Variants in WNK1 observed in about 807,000 individuals in gnomAD.
WNK1 encodes the protein WNK lysine deficient protein kinase 1.
WNK1 carries 38 observed loss-of-function variants against 222.8 expected under a neutral mutation model. The ratio of observed to expected loss-of-function variants is 0.17; its 90% CI spans 0.13 to 0.22. WNK1 has a LOEUF of 0.22. WNK1 is among the 10% of genes least tolerant of loss of function. The pLI is 1.00. For missense variants in WNK1, 2,348 were observed against 2,918.4 expected (o/e 0.80, Z 4.50); for synonymous variants, 1,090 against 1,092.9 (o/e 1.00, Z 0.05).
intron 26 of WNK1, chr12:906,537 A>G (rs1270629162): frequency 1.0e-6 from 1 of 985,258 alleles, no homozygotes; most frequent in African/African-American, 1.7e-5. Flanking sequence ...AACTGAGGTC[A>G]TCTTCAGGAA....
chr12:808,253 A>C (rs982758851), intron 1 of WNK1, among the ~76,000 whole-genome samples: 2 of 152,054 alleles, frequency 1.3e-5, no homozygotes, highest in African/African-American at 4.8e-5. Context: ...TATGCAATAG[A>C]TACTGTAAGT....
At chr12:810,273 C>G (rs1440627395) in intron 1 of WNK1, among the ~76,000 whole-genome samples, 1 of 151,974 alleles carries the variant, frequency 6.6e-6, no homozygotes, top group African/African-American at 2.4e-5. Flanking sequence ...AAATAGATGC[C>G]CATGTCTTGC....
At chr12:840,491 G>A (rs1187999202) in intron 4 of WNK1, among the ~76,000 whole-genome samples, 1 of 151,938 alleles carries the variant, frequency 6.6e-6, no homozygotes, top group Non-Finnish European at 1.5e-5. Context: ...TGTATGATAC[G>A]AAAACTACAT....
In WNK1 at chr12:909,255, C is replaced by CT. The variant is rs1241101800; in HGVS notation, c.*471dup. On this transcript the variant is annotated 3_prime_UTR_variant, in exon 28 of 28. Coordinates refer to ENST00000315939, the MANE Select transcript of WNK1 (RefSeq NM_018979.4). ...GCTCTCTCCTACCCTGCCCTCCTCC[C>CT]TTTTTTTTACCCCTCTCTTTTTTAT... is the stretch of plus-strand genomic sequence containing the variant. 22 of 168,364 alleles carry CT rather than the reference C, an allele frequency of 1.3e-4. No individual in the cohort carries two copies. Among genetic ancestry groups the CT allele is most frequent in the African/African-American group, 3.1e-4 (13 of 41,556 alleles). The allele number at this position is 168,364 out of a possible 1,614,324, so 10.4% of individuals were successfully genotyped here. A position where few individuals can be genotyped will look rare whatever the true frequency, so the allele number is the denominator to read the frequency against.
At chr12:882,164 T>A in intron 14 of WNK1, 91 bp downstream of exon 14, 1 of 1,377,300 alleles carries the variant, frequency 7.3e-7, no homozygotes, top group Non-Finnish European at 1.0e-6. Flanking sequence ...ACCACTCACT[T>A]CATAAAATAA....
At chr12:837,972 G>A (rs79755548) in intron 4 of WNK1, among the ~76,000 whole-genome samples, 2,317 of 152,100 alleles carry the variant, frequency 0.015, 59 homozygotes, top group African/African-American at 0.053. Context: ...TTTAATATGT[G>A]GTCTTTTATT....
chr12:833,210 C>G (rs1174436884), intron 4 of WNK1, among the ~76,000 whole-genome samples: 1 of 152,212 alleles, frequency 6.6e-6, no homozygotes, highest in East Asian at 1.9e-4. Flanking sequence ...CCCATTGCCA[C>G]AACTCTGATT....
At chr12:883,591 GA>G in intron 16 of WNK1, 23 bp downstream of exon 16, 1 of 1,614,046 alleles carries the variant, frequency 6.2e-7, no homozygotes, top group Non-Finnish European at 8.5e-7. Flanking sequence ...CTCCCATAGT[GA>G]AACTTTGTTG....
intron 1 of WNK1, among the ~76,000 whole-genome samples, chr12:786,856 G>GT (rs1265317128): frequency 2.6e-5 from 4 of 151,982 alleles, no homozygotes; most frequent in African/African-American, 9.7e-5. Context: ...TGTTCCACAG[G>GT]TTTTTTGTAA....
Position 908,495 on chromosome 12 carries a change from G to A in WNK1, c.6852G>A (p.Lys2284=), listed in dbSNP as rs1486513379. 6.2e-7 allele frequency: 1 copy of A among 1,614,176 alleles called. No homozygotes were observed. The highest frequency in any genetic ancestry group is 1.1e-5 in the South Asian group (1 of 91,092). The change falls in exon 28 of 28, where the codon AAG becomes AAA. Residue 2284 remains lysine (K), a synonymous_variant. Coordinates refer to ENST00000315939, the MANE Select transcript of WNK1 (RefSeq NM_018979.4). ...MNYEGPGMAR[K]FSAPGQLCIS... ...TTCAGGGCCCTGGAATGGCAAGGAAGTTCTCTGCACCTGGGCAACTGTGCA... is the reference window on the plus strand; with the variant it reads ...TTCAGGGCCCTGGAATGGCAAGGAAATTCTCTGCACCTGGGCAACTGTGCA...
intron 4 of WNK1, among the ~76,000 whole-genome samples, chr12:834,673 G>A (rs974720877): frequency 2.0e-5 from 3 of 152,136 alleles, no homozygotes; most frequent in Non-Finnish European, 4.4e-5. Flanking sequence ...TTTGTTCTCT[G>A]TAAAAGAGAT....
In WNK1 at chr12:871,273, GCAGAGCCAGGGT is replaced by G. The variant is rs1339304778; in HGVS notation, c.2152_2163del (p.Ser718_Gln721del). ...TCACTTCTTTCCTTCAGGCACAGGG[GCAGAGCCAGGGT>G]CAGCCATCCTCAAGTAGCTTAACAG... On this transcript the variant is annotated inframe_deletion, in exon 9 of 28. Coordinates refer to ENST00000315939, the MANE Select transcript of WNK1 (RefSeq NM_018979.4). 1 of 1,614,148 alleles carries G rather than the reference GCAGAGCCAGGGT, an allele frequency of 6.2e-7. No individual in the cohort carries two copies. The highest frequency in any genetic ancestry group is 1.7e-5 in the Admixed American group (1 of 60,022).
chr12:869,779 AT>A (rs1314585357), intron 8 of WNK1, among the ~76,000 whole-genome samples: 1 of 151,774 alleles, frequency 6.6e-6, no homozygotes, highest in East Asian at 1.9e-4. Context: ...ACTGATTCTA[AT>A]TTTTAGCAAC....
chr12:907,650 G>A (rs1955819994), intron 26 of WNK1, 197 bp from the exon 27 acceptor site: 1 of 678,978 alleles, frequency 1.5e-6, no homozygotes, highest in Admixed American at 2.2e-5. Flanking sequence ...AGCTACTGAA[G>A]AGAAACTGTT....
rs564444800 is a variant in WNK1 at position 782,547 on chromosome 12, A to AG, written c.759+28224dup. ...AATTGAAATCCAAGGAGAAAGTGAT[A>AG]GAAATAAAATTGTAGTGAGCGATGT... On this transcript the variant is annotated intron_variant, in intron 1 of 27. Transcript: ENST00000315939. 1.2e-4 allele frequency among the ~76,000 whole-genome samples: 19 copies of AG among 152,328 alleles called. No individual in the cohort carries two copies. The East Asian group carries it at 3.7e-3, about 29-fold the overall frequency.
chr12:757,461 G>A (rs1940286966), intron 1 of WNK1, among the ~76,000 whole-genome samples: 1 of 151,688 alleles, frequency 6.6e-6, no homozygotes, highest in Admixed American at 6.6e-5. Flanking sequence ...AAGTAGCTGG[G>A]AGTACAGGCG....
intron 8 of WNK1, among the ~76,000 whole-genome samples, chr12:870,597 T>C (rs984068459): frequency 3.3e-5 from 5 of 152,190 alleles, no homozygotes; most frequent in African/African-American, 1.2e-4. Context: ...ACATCTGAGG[T>C]TGGATAATTC....
At chr12:779,448 G>A (rs1326870395) in intron 1 of WNK1, among the ~76,000 whole-genome samples, 3 of 142,944 alleles carry the variant, frequency 2.1e-5, no homozygotes, top group Admixed American at 7.2e-5. Flanking sequence ...TTTGTAGCCC[G>A]GGCTGGAGTG....
At position 909,093 on chromosome 12, in the gene WNK1, A is replaced by G. The variant is rs1330144880; in HGVS notation, c.*301A>G. 7.8e-6 allele frequency: 3 copies of G among 382,886 alleles called. No homozygotes were observed. The highest frequency in any genetic ancestry group is 1.1e-4 in the East Asian group (2 of 18,294). 23.7% of individuals were successfully genotyped at this position (382,886 alleles called of 1,614,324 possible). On this transcript the variant is annotated 3_prime_UTR_variant, in exon 28 of 28. Transcript: ENST00000315939. ...GATGAGGGCTAGGAAAGTCTTGTTC[A>G]TAAGGAAGCTGGAGAACTCAATGTA...
Sources: allele counts gnomAD v4.1 joint callset (sites outside exome capture counted in the v4.1 genomes callset), GRCh38; gene constraint gnomAD v4.1.1; transcripts MANE v1.5; gene names NCBI Gene and HGNC (gene_info 2026-07-23, HGNC 2026-07-21).